MST1R: variants seen among roughly 807,000 people sequenced by gnomAD.
MST1R encodes the protein macrophage stimulating 1 receptor.
Under a neutral mutation model 117.8 loss-of-function variants are expected in MST1R, and 99 were observed. That is an observed-to-expected ratio of 0.84 (90% CI 0.71 to 0.99). The LOEUF is 0.99. Ranked by LOEUF, MST1R falls within the 50% of genes least tolerant of loss-of-function variation. The pLI, the probability that MST1R is intolerant of heterozygous loss-of-function variation, is 0.00. For synonymous variants in MST1R, 734 were observed against 765.3 expected (o/e 0.96, Z 0.68); for missense variants, 1,683 against 1,840.2 (o/e 0.91, Z 1.56).
rs145556678 is a variant in MST1R, at chr3:49,887,508, G to A, written c.4002C>T (p.Phe1334=). 1 of 1,614,176 alleles carries A rather than the reference G, an allele frequency of 6.2e-7. No homozygotes were observed. The highest frequency in any genetic ancestry group is 8.5e-7 in the Non-Finnish European group (1 of 1,180,014). ...WEADPAVRPT[F]RVLVGEVEQI... ...GCTCCACCTCCCCCACTAGTACTCTGAAGGTGGGTCGCACTGCTGGGTCTG... is the reference window on the plus strand; with the variant it reads ...GCTCCACCTCCCCCACTAGTACTCTAAAGGTGGGTCGCACTGCTGGGTCTG... The change falls in exon 20 of 20, where the codon TTC becomes TTT. Residue 1334 remains phenylalanine, a synonymous_variant. Coordinates refer to ENST00000296474, the MANE Select transcript of MST1R (RefSeq NM_002447.4).
In MST1R at chr3:49,902,846, G is replaced by T. The variant is rs965141042; in HGVS notation, c.764C>A (p.Thr255Lys). 1 of 1,613,532 alleles carries T rather than the reference G, an allele frequency of 6.2e-7. No homozygotes were observed. Among genetic ancestry groups the T allele is most frequent in the Non-Finnish European group, 8.5e-7 (1 of 1,180,054 alleles). Residue 255 changes from threonine to lysine, a missense_variant, in exon 1 of 20, where the codon ACG becomes AAG. Transcript: ENST00000296474. ...YSIEYVHSFH[T>K]GAFVYFLTVQ... ...AGTCAGGAAGTATACGAAGGCTCCC[G>T]TGTGGAAGCTGTGCACGTATTCAAT...
chr3:49,895,064 G>C, intron 14 of MST1R, 103 bp downstream of exon 14: 7 of 1,243,298 alleles, frequency 5.6e-6, no homozygotes, highest in South Asian at 5.1e-5. Context: ...GCCCGCCTCG[G>C]CCTCCCAAAG....
Position 49,903,235 on chromosome 3 carries a change from C to A in MST1R, c.375G>T (p.Leu125=), listed in dbSNP as rs1216911993. The part of the protein sequence containing the change: ...PGDTDTKVLV[L]DPALPALVSC... ...TGACCAGCGCAGGCAGCGCGGGATCCAGCACCAGCACCTTTGTGTCTGTGT... is the reference window on the plus strand; with the variant it reads ...TGACCAGCGCAGGCAGCGCGGGATCAAGCACCAGCACCTTTGTGTCTGTGT... The change falls in exon 1 of 20, where the codon CTG becomes CTT. Residue 125 remains leucine (L), a synonymous_variant. Transcript: ENST00000296474. The A allele has an allele frequency of 1.9e-6, 3 of 1,608,032 alleles. No individual in the cohort carries two copies. The African/African-American group carries it at 4.0e-5, about 21-fold the overall frequency.
intron 18 of MST1R, 139 bp from the exon 19 acceptor site, chr3:49,890,199 CAT>C: frequency 1.8e-6 from 2 of 1,114,490 alleles, no homozygotes; most frequent in Non-Finnish European, 2.5e-6. Context: ...TTCCTCAATA[CAT>C]CACCTGTGTC....
At chr3:49,889,005 T>A (rs564166527) in intron 19 of MST1R, among the ~76,000 whole-genome samples, 1 of 152,256 alleles carries the variant, frequency 6.6e-6, no homozygotes. Context: ...CAAGCTCACA[T>A]CCCCTCACCA....
In MST1R at chr3:49,895,430, T is replaced by C; in HGVS notation, c.3064+17A>G. 2 of 1,614,048 alleles carry C rather than the reference T, an allele frequency of 1.2e-6. No homozygotes were observed. The highest frequency in any genetic ancestry group is 1.7e-6 in the Non-Finnish European group (2 of 1,179,924). On this transcript the variant is annotated intron_variant, in intron 13 of 19. Transcript: ENST00000296474. ...GACAGGGGGTGGCTTTAGCTTCTCATGCCTCCACTATCTCACCAAGGCCAC... is the reference window on the plus strand; with the variant it reads ...GACAGGGGGTGGCTTTAGCTTCTCACGCCTCCACTATCTCACCAAGGCCAC...
rs1488240730 is a variant in MST1R at position 49,887,566 on chromosome 3, T to C, written c.3948-4A>G. On this transcript the variant is annotated splice_polypyrimidine_tract_variant and splice_region_variant and intron_variant, in intron 19 of 19. Coordinates refer to ENST00000296474, the MANE Select transcript of MST1R (RefSeq NM_002447.4). ...GCATTGCTGCATCACTTGGTACCTG[T>C]TGGGGGAAAGGGATGTCAGGTTAAG... is the stretch of plus-strand genomic sequence containing the variant. 2 of 1,613,320 alleles carry C rather than the reference T, an allele frequency of 1.2e-6. No homozygotes were observed. The highest frequency in any genetic ancestry group is 2.2e-5 in the East Asian group (1 of 44,872).
At position 49,896,023 on chromosome 3, in the gene MST1R, C is replaced by T; in HGVS notation, c.2734G>A (p.Asp912Asn). 6.2e-7 allele frequency: 1 copy of T among 1,602,494 alleles called. No homozygotes were observed. Among genetic ancestry groups the T allele is most frequent in the Non-Finnish European group, 8.5e-7 (1 of 1,174,484 alleles). The change falls in exon 11 of 20, where the codon GAC becomes AAC. Residue 912 changes from aspartate to asparagine, a missense_variant. Transcript: ENST00000296474. Reference protein sequence around the residue: ...GESCQHEFRGDMVVCPLPPSL... With the variant: ...GESCQHEFRGNMVVCPLPPSL... ...GGGGGCAGGGGGCAGACAACCATGT[C>T]CCCCCGGAACTCGTGCTGGCAGCTC...
At position 49,891,522 on chromosome 3, in the gene MST1R, G is replaced by T; in HGVS notation, c.3411C>A (p.Gly1137=). Residue 1137 remains glycine, a synonymous_variant, in exon 16 of 20, where the codon GGC becomes GGA. Transcript: ENST00000296474. ...GAGCCAGCACATTCGGGTGGTTCAGGCCACGCATGAGCAGCCCCTCTCGCA... is the reference window on the plus strand; with the variant it reads ...GAGCCAGCACATTCGGGTGGTTCAGTCCACGCATGAGCAGCCCCTCTCGCA... ...AFLREGLLMR[G]LNHPNVLALI... The T allele has an allele frequency of 6.2e-7, 1 of 1,614,002 alleles. No individual in the cohort carries two copies. Among genetic ancestry groups the T allele is most frequent in the Non-Finnish European group, 8.5e-7 (1 of 1,180,050 alleles).
At chr3:49,897,939 G>T in intron 5 of MST1R, 112 bp downstream of exon 5, 1 of 1,483,212 alleles carries the variant, frequency 6.7e-7, no homozygotes, top group Non-Finnish European at 9.3e-7. Context: ...CAGAACCACT[G>T]CAGCTTCCCC....
At chr3:49,889,656 G>A (rs2082256466) in intron 19 of MST1R, among the ~76,000 whole-genome samples, 1 of 152,188 alleles carries the variant, frequency 6.6e-6, no homozygotes, top group Non-Finnish European at 1.5e-5. Context: ...GAGTCGGGTA[G>A]GAGGAGCACT....
At position 49,898,652 on chromosome 3, in the gene MST1R, G is replaced by A. The variant is rs1417878390; in HGVS notation, c.1585C>T (p.His529Tyr). 1.2e-6 allele frequency: 2 copies of A among 1,614,060 alleles called. No individual in the cohort carries two copies. Among genetic ancestry groups the A allele is most frequent in the Admixed American group, 1.7e-5 (1 of 60,014 alleles). ...QVPIQGPGCR[H>Y]FLTCGRCLRA... ...AGGCAACGCCCACAGGTCAGGAAGT[G>A]GCGGCAGCCAGGGCCTTGGATAGGT... The change falls in exon 4 of 20, where the codon CAC becomes TAC. Residue 529 changes from histidine (H) to tyrosine (Y), a missense_variant. By Grantham distance (83) the His-to-Tyr change is moderately conservative. Coordinates refer to ENST00000296474, the MANE Select transcript of MST1R (RefSeq NM_002447.4).
chr3:49,887,586 G>T (rs368848297), intron 19 of MST1R, 24 bp from the exon 20 acceptor site: 319 of 1,609,642 alleles, frequency 2.0e-4, no homozygotes, highest in Middle Eastern at 3.3e-4. Flanking sequence ...GGGATGTCAG[G>T]TTAAGGCAAT....
In MST1R at chr3:49,903,333, TG is replaced by T; in HGVS notation, c.276del (p.Thr93ArgfsTer56). 6.2e-7 allele frequency: 1 copy of T among 1,613,494 alleles called. No homozygotes were observed. The highest frequency in any genetic ancestry group is 8.5e-7 in the Non-Finnish European group (1 of 1,179,994). On this transcript the variant is annotated frameshift_variant, in exon 1 of 20. Transcript: ENST00000296474. LOFTEE classifies it high-confidence loss of function. ...CAGCCAGGGTCTCCAGCAGGGCCCG[TG>T]GCCAGGCTCTGGACAGACTTCAGGT... ...GPDLKSVQSL[A>X]TGPAGDPGCQ...
rs372063160 is a variant in MST1R at position 49,890,553 on chromosome 3, G to A, written c.3742C>T (p.Arg1248Cys). The change falls in exon 18 of 20, where the codon CGC becomes TGC. Residue 1248 changes from arginine to cysteine, a missense_variant. By Grantham distance (180) the Arg-to-Cys change is radical. Coordinates refer to ENST00000296474, the MANE Select transcript of MST1R (RefSeq NM_002447.4). Reference sequence around the variant, plus strand: ...AGCGCCATCCACTTCACAGGTAGGCGAGCGTGGCGATGCTGTTGAACACTA... The same window carrying A: ...AGCGCCATCCACTTCACAGGTAGGCAAGCGTGGCGATGCTGTTGAACACTA... ...YYSVQQHRHA[R>C]LPVKWMALES... is the part of the protein sequence containing the mutation. The A allele has an allele frequency of 3.1e-5, 50 of 1,614,018 alleles. No individual in the cohort carries two copies. In the African/African-American group the frequency reaches 3.3e-4, roughly 11 times the overall value.
intron 1 of MST1R, among the ~76,000 whole-genome samples, chr3:49,899,986 C>T (rs999682342): frequency 6.6e-6 from 1 of 152,184 alleles, no homozygotes; most frequent in African/African-American, 2.4e-5. Flanking sequence ...CCGCAAGAGT[C>T]TTCTCCTGCC....
Position 49,897,532 on chromosome 3 carries a change from G to A in MST1R, c.2034C>T (p.Gly678=), listed in dbSNP as rs757054149. 1.2e-5 allele frequency: 20 copies of A among 1,613,634 alleles called. 1 individual carries two copies. The highest frequency in any genetic ancestry group is 1.4e-5 in the Non-Finnish European group (16 of 1,179,820). The part of the protein sequence containing the change: ...FRVDGTSVLR[G]FSFMEPVLIA... ...AAGGTAGCCTCACCATGAAAGAGAA[G>A]CCTCTCAGCACGGAGGTGCCGTCTA... is the stretch of plus-strand genomic sequence containing the variant. Residue 678 remains glycine (G), a synonymous_variant, in exon 6 of 20, where the codon GGC becomes GGT. Coordinates refer to ENST00000296474, the MANE Select transcript of MST1R (RefSeq NM_002447.4).
At chr3:49,888,525 C>G (rs1306221163) in intron 19 of MST1R, among the ~76,000 whole-genome samples, 1 of 151,750 alleles carries the variant, frequency 6.6e-6, no homozygotes, top group Non-Finnish European at 1.5e-5. Context: ...TCACTTGAAC[C>G]TGGGAGGCAG....
intron 1 of MST1R, among the ~76,000 whole-genome samples, chr3:49,901,813 A>AAC (rs2082686746): frequency 6.6e-6 from 1 of 151,382 alleles, no homozygotes; most frequent in Admixed American, 6.6e-5. Context: ...ATTCTCTGAC[A>AAC]ACTCCCGTCC....
Sources: gnomAD v4.1 joint callset for allele counts (sites outside exome capture counted in the v4.1 genomes callset) on GRCh38, gnomAD v4.1.1 for gene constraint, MANE v1.5 for transcripts, NCBI Gene and HGNC (gene_info 2026-07-23, HGNC 2026-07-21) for gene names.